The following ZNF804A variants were observed in gnomAD, a reference collection of about 807,000 sequenced individuals.
ZNF804A encodes zinc finger protein 804A.
Under a neutral mutation model 16.5 loss-of-function variants are expected in ZNF804A, and 2 were observed. The observed-to-expected ratio is 0.12, with a 90% CI of 0.05 to 0.38. The LOEUF (loss-of-function observed/expected upper bound fraction) is 0.38. Among genes scored for constraint, ZNF804A ranks in the 10% least tolerant of loss-of-function variants. The pLI, the probability that ZNF804A is intolerant of heterozygous loss-of-function variation, is 0.99. For synonymous variants in ZNF804A, 534 were observed against 489.6 expected, an observed-to-expected ratio of 1.09 and a Z score of -1.20; for missense variants, 1,473 against 1,390.7, an observed-to-expected ratio of 1.06 and a Z score of -0.94.
chr2:184,618,107 T>C (rs1691355511), intron 1 of ZNF804A, among the ~76,000 whole-genome samples: 1 of 152,120 alleles, frequency 6.6e-6, no homozygotes, highest in South Asian at 2.1e-4. Flanking sequence ...ATAATATGCA[T>C]TCTCATATCC....
At chr2:184,820,285 T>C (rs1165258068) in intron 1 of ZNF804A, among the ~76,000 whole-genome samples, 4 of 152,114 alleles carry the variant, frequency 2.6e-5, no homozygotes, top group Non-Finnish European at 5.9e-5. Flanking sequence ...ATAATTGTAA[T>C]ACATCACATA....
chr2:184,755,264 T>C (rs567253205), intron 1 of ZNF804A, among the ~76,000 whole-genome samples: 1 of 151,934 alleles, frequency 6.6e-6, no homozygotes, highest in Non-Finnish European at 1.5e-5. Flanking sequence ...GTCGACCTAC[T>C]AGAAAAATAT....
intron 1 of ZNF804A, among the ~76,000 whole-genome samples, chr2:184,605,919 A>T (rs1202799849): frequency 6.6e-6 from 1 of 152,182 alleles, no homozygotes; most frequent in Non-Finnish European, 1.5e-5. Flanking sequence ...AAATTCAATC[A>T]TGGTTGTCAA....
At position 184,827,875 on chromosome 2, in the gene ZNF804A, T is replaced by C. The variant is rs79150074; in HGVS notation, c.112-38494T>C. Among the ~76,000 whole-genome samples, 1,384 of 151,924 alleles carry C rather than the reference T, an allele frequency of 9.1e-3. 22 individuals carry two copies. Among genetic ancestry groups the C allele is most frequent in the African/African-American group, 0.032 (1,324 of 41,522 alleles). On this transcript the variant is annotated intron_variant, in intron 1 of 3. Transcript: ENST00000302277. ...GTAAGTCAGGCTGTTTACACGTTGA[T>C]ATTCCAAATATCTTTAAAAAATTTT... is the stretch of plus-strand genomic sequence containing the variant.
intron 1 of ZNF804A, among the ~76,000 whole-genome samples, chr2:184,615,514 C>T (rs969044068): frequency 6.6e-6 from 1 of 152,032 alleles, no homozygotes; most frequent in Non-Finnish European, 1.5e-5. Flanking sequence ...GGTAACTCTG[C>T]TAAATAAAAA....
intron 1 of ZNF804A, among the ~76,000 whole-genome samples, chr2:184,667,778 A>G (rs1692274700): frequency 6.6e-6 from 1 of 151,892 alleles, no homozygotes; most frequent in East Asian, 1.9e-4. Flanking sequence ...ATTCACATAT[A>G]AGAGAATTCT....
At chr2:184,783,035 T>C (rs1419880409) in intron 1 of ZNF804A, among the ~76,000 whole-genome samples, 11 of 150,704 alleles carry the variant, frequency 7.3e-5, no homozygotes, top group Non-Finnish European at 1.2e-4. Flanking sequence ...GGAATATTTT[T>C]TCCTCCACAG....
rs1691360112 is a variant in ZNF804A at position 184,618,335 on chromosome 2, ATTTTCAGGTTTGT to A, written c.111+19272_111+19284del. On this transcript the variant is annotated intron_variant, in intron 1 of 3. Coordinates refer to ENST00000302277, the MANE Select transcript of ZNF804A (RefSeq NM_194250.2). ...TACCAAAAAAGTTTTCAGCAAAGAC[ATTTTCAGGTTTGT>A]TTTTCACCTTATTACAGGTAATTGA... Among the ~76,000 whole-genome samples, 3 of 152,276 alleles carry A rather than the reference ATTTTCAGGTTTGT, an allele frequency of 2.0e-5. No individual in the cohort carries two copies. The South Asian group carries it at 6.2e-4, about 32-fold the overall frequency.
intron 1 of ZNF804A, among the ~76,000 whole-genome samples, chr2:184,752,972 A>G (rs370711632): frequency 6.6e-6 from 1 of 151,608 alleles, no homozygotes; most frequent in East Asian, 1.9e-4. Context: ...GTTTTGGTGA[A>G]AATCGGGGAA....
At chr2:184,779,660 G>A (rs1381601212) in intron 1 of ZNF804A, among the ~76,000 whole-genome samples, 1 of 151,688 alleles carries the variant, frequency 6.6e-6, no homozygotes, top group Non-Finnish European at 1.5e-5. Flanking sequence ...AATGGTTATT[G>A]CTGGATTTGG....
intron 1 of ZNF804A, among the ~76,000 whole-genome samples, chr2:184,665,486 T>A (rs900342935): frequency 3.8e-4 from 58 of 152,236 alleles, no homozygotes; most frequent in Non-Finnish European, 4.4e-5. Context: ...TAGTTTTCTC[T>A]TGCTGTACAA....
intron 1 of ZNF804A, among the ~76,000 whole-genome samples, chr2:184,848,058 C>G (rs933070631): frequency 6.6e-6 from 1 of 151,814 alleles, no homozygotes. Context: ...CGTCATTAGC[C>G]ATTGATGATT....
intron 1 of ZNF804A, among the ~76,000 whole-genome samples, chr2:184,825,386 A>T (rs1695147276): frequency 6.6e-6 from 1 of 152,176 alleles, no homozygotes; most frequent in Non-Finnish European, 1.5e-5. Context: ...GGCACAGAGG[A>T]TACATTGATG....
chr2:184,778,103 TA>T (rs1275695540), intron 1 of ZNF804A, among the ~76,000 whole-genome samples: 7 of 151,710 alleles, frequency 4.6e-5, no homozygotes, highest in African/African-American at 1.4e-4. Context: ...AGCTTGATTC[TA>T]GCATTATGCT....
In ZNF804A at chr2:184,890,400, T is replaced by C. The variant is rs1390025283; in HGVS notation, c.255+23888T>C. Among the ~76,000 whole-genome samples, 3 of 152,086 alleles carry C rather than the reference T, an allele frequency of 2.0e-5. No homozygotes were observed. In the South Asian group the frequency reaches 6.2e-4, roughly 32 times the overall value. On this transcript the variant is annotated intron_variant, in intron 2 of 3. Coordinates refer to ENST00000302277, the MANE Select transcript of ZNF804A (RefSeq NM_194250.2). ...GCTATCAACAATGTTGCAGTCCAAA[T>C]GTAATTCACATAGTAGGTTCAAGTA...
intron 1 of ZNF804A, among the ~76,000 whole-genome samples, chr2:184,652,533 G>A (rs1390060742): frequency 6.6e-6 from 1 of 152,014 alleles, no homozygotes; most frequent in African/African-American, 2.4e-5. Context: ...TTTGAGAATG[G>A]GAGTTTTTGG....
chr2:184,601,981 A>G (rs917942063), intron 1 of ZNF804A, among the ~76,000 whole-genome samples: 2 of 151,972 alleles, frequency 1.3e-5, no homozygotes, highest in Non-Finnish European at 2.9e-5. Context: ...ATTAGATGTT[A>G]CTTATAGGAT....
intron 1 of ZNF804A, among the ~76,000 whole-genome samples, chr2:184,633,972 C>T (rs1691654554): frequency 6.6e-6 from 1 of 152,086 alleles, no homozygotes; most frequent in Admixed American, 6.6e-5. Flanking sequence ...TAGATACTAT[C>T]TTAGTATATA....
At chr2:184,806,444 A>G (rs1290749958) in intron 1 of ZNF804A, among the ~76,000 whole-genome samples, 1 of 151,924 alleles carries the variant, frequency 6.6e-6, no homozygotes, top group Non-Finnish European at 1.5e-5. Context: ...CTGATTTCTT[A>G]ATTATATTTC....
Sources: allele counts gnomAD v4.1 joint callset (sites outside exome capture counted in the v4.1 genomes callset), GRCh38; gene constraint gnomAD v4.1.1; transcripts MANE v1.5; gene names NCBI Gene and HGNC (gene_info 2026-07-23, HGNC 2026-07-21).